The following ARB2A variants were observed in gnomAD, a reference collection of about 807,000 sequenced individuals.
ARB2A encodes ARB2 cotranscriptional regulator A, also known as cotranscriptional regulator ARB2A.
the ARB2A span, among the ~76,000 whole-genome samples, chr5:94,096,675 A>C: frequency 6.6e-6 from 1 of 152,218 alleles, no homozygotes; most frequent in Non-Finnish European, 1.5e-5. Flanking sequence ...CAGAGAAAGA[A>C]GAGCCACGAT....
chr5:93,653,610 G>C, the ARB2A span, among the ~76,000 whole-genome samples: 1 of 145,754 alleles, frequency 6.9e-6, no homozygotes, highest in Non-Finnish European at 1.5e-5. Flanking sequence ...TTCTGAGAAG[G>C]CCTGCTCATA....
At chr5:93,744,659 A>G in the ARB2A span, among the ~76,000 whole-genome samples, 1 of 152,230 alleles carries the variant, frequency 6.6e-6, no homozygotes, top group East Asian at 1.9e-4. Context: ...TCAACGTCCT[A>G]TGGAAATGGG....
chr5:93,844,869 C>G, the ARB2A span, among the ~76,000 whole-genome samples: 1 of 152,186 alleles, frequency 6.6e-6, no homozygotes, highest in Admixed American at 6.5e-5. Context: ...TTTGGCTTTT[C>G]CTAACCACAT....
the ARB2A span, among the ~76,000 whole-genome samples, chr5:93,892,662 T>C: frequency 6.6e-6 from 1 of 152,106 alleles, no homozygotes. Context: ...CTTAGTTGAG[T>C]GACTTGAATT....
the ARB2A span, among the ~76,000 whole-genome samples, chr5:93,909,671 A>G: frequency 2.0e-5 from 3 of 150,994 alleles, no homozygotes; most frequent in Non-Finnish European, 4.5e-5. Flanking sequence ...TCAAAAGCCT[A>G]AAATAATCCT....
At chr5:93,627,438 G>GTTTGTTTTTTTTT in the ARB2A span, among the ~76,000 whole-genome samples, 1 of 108,076 alleles carries the variant, frequency 9.3e-6, no homozygotes, top group African/African-American at 4.0e-5. Context: ...TACAAAATGT[G>GTTTGTTTTTTTTT]TTTTGTTTTT....
At chr5:93,680,037 G>A in the ARB2A span, among the ~76,000 whole-genome samples, 1 of 152,002 alleles carries the variant, frequency 6.6e-6, no homozygotes, top group Non-Finnish European at 1.5e-5. Context: ...TAAAAGTAAA[G>A]ACTTATGATC....
At chr5:93,740,081 A>G in the ARB2A span, 1 of 151,722 alleles carries the variant, frequency 6.6e-6, no homozygotes, top group East Asian at 1.9e-4. Flanking sequence ...TTTCTTCCCT[A>G]TCACATTCTC....
At chr5:93,904,817 T>G in the ARB2A span, among the ~76,000 whole-genome samples, 1 of 151,702 alleles carries the variant, frequency 6.6e-6, no homozygotes, top group Non-Finnish European at 1.5e-5. Context: ...ATATGTCTAA[T>G]CTCTGGATAT....
At chr5:94,097,392 T>C in the ARB2A span, among the ~76,000 whole-genome samples, 10 of 152,210 alleles carry the variant, frequency 6.6e-5, no homozygotes, top group African/African-American at 1.2e-4. Context: ...GGCTCTGATA[T>C]GGTTTGGCTA....
At chr5:93,776,056 A>C in the ARB2A span, 1 of 924,546 alleles carries the variant, frequency 1.1e-6, no homozygotes, top group Admixed American at 2.5e-5. Flanking sequence ...AACAACTCAA[A>C]GATAAAAACA....
At chr5:93,694,252 C>CT in the ARB2A span, among the ~76,000 whole-genome samples, 2 of 152,184 alleles carry the variant, frequency 1.3e-5, no homozygotes, top group Non-Finnish European at 2.9e-5. Flanking sequence ...CAAATTGTCT[C>CT]TGTTTGCAGA....
the ARB2A span, among the ~76,000 whole-genome samples, chr5:94,095,789 T>C: frequency 6.6e-6 from 1 of 152,116 alleles, no homozygotes; most frequent in Non-Finnish European, 1.5e-5. Flanking sequence ...TCCTCAAATA[T>C]GAAGTCTAGA....
the ARB2A span, among the ~76,000 whole-genome samples, chr5:93,816,061 T>G: frequency 6.6e-6 from 1 of 152,216 alleles, no homozygotes; most frequent in Non-Finnish European, 1.5e-5. Flanking sequence ...TAAATCCACC[T>G]GGCTCCTCTG....
At chr5:93,761,240 AG>A in the ARB2A span, among the ~76,000 whole-genome samples, 2 of 152,176 alleles carry the variant, frequency 1.3e-5, no homozygotes, top group African/African-American at 4.8e-5. Flanking sequence ...ACCGAGCGTG[AG>A]CCAAAGCAGG....
chr5:93,621,350 C>T, the ARB2A span, among the ~76,000 whole-genome samples: 5 of 152,058 alleles, frequency 3.3e-5, no homozygotes, highest in Admixed American at 2.6e-4. Flanking sequence ...ACAACTAGGG[C>T]TGCGGGGTCA....
At chr5:93,721,753 C>A in the ARB2A span, among the ~76,000 whole-genome samples, 3 of 152,026 alleles carry the variant, frequency 2.0e-5, no homozygotes, top group South Asian at 2.1e-4. Flanking sequence ...AAGAAGATGG[C>A]CTGTTCTGGA....
At chr5:94,057,364 G>T in the ARB2A span, among the ~76,000 whole-genome samples, 1 of 152,168 alleles carries the variant, frequency 6.6e-6, no homozygotes, top group Non-Finnish European at 1.5e-5. Context: ...AAGTAGAACG[G>T]TGGTTGCTGA....
the ARB2A span, among the ~76,000 whole-genome samples, chr5:93,841,217 T>C: frequency 6.6e-6 from 1 of 152,198 alleles, no homozygotes; most frequent in Non-Finnish European, 1.5e-5. Flanking sequence ...CTGTCGGTTC[T>C]GCATTAGCGG....
Sources: gnomAD v4.1 joint callset for allele counts (sites outside exome capture counted in the v4.1 genomes callset) on GRCh38, gnomAD v4.1.1 for gene constraint, MANE v1.5 for transcripts, NCBI Gene and HGNC (gene_info 2026-07-23, HGNC 2026-07-21) for gene names.